The following WNK1 variants were observed in gnomAD, a reference collection of about 807,000 sequenced individuals.
WNK1 encodes the protein serine/threonine-protein kinase WNK1.
Under a neutral mutation model 222.8 loss-of-function variants are expected in WNK1, and 38 were observed. The observed-to-expected ratio is 0.17, with a 90% confidence interval of 0.13 to 0.22. The LOEUF is 0.22. Ranked by LOEUF, WNK1 falls within the 10% of genes least tolerant of loss-of-function variation. The probability of loss-of-function intolerance (pLI) is 1.00; values close to 1 mark genes in which losing one functional copy is unlikely to be tolerated. For missense variants in WNK1, 2,348 were observed against 2,918.4 expected, an observed-to-expected ratio of 0.80 and a Z score of 4.50; for synonymous variants, 1,090 against 1,092.9, an observed-to-expected ratio of 1.00 and a Z score of 0.05.
At position 896,261 on chromosome 12, in the gene WNK1, C is replaced by G. The variant is rs753527425; in HGVS notation, c.5774C>G (p.Ala1925Gly). The G allele has an allele frequency of 6.2e-7, 1 of 1,614,120 alleles. No individual in the cohort carries two copies. The highest frequency in any genetic ancestry group is 8.5e-7 in the Non-Finnish European group (1 of 1,180,018). The change falls in exon 24 of 28, where the codon GCC becomes GGC. Residue 1925 changes from alanine (A) to glycine (G), a missense_variant. Ala to Gly is a moderately conservative substitution (Grantham distance 60). This residue lies in a region of WNK1 where 1,144 missense variants were observed against 1,273.6 expected (regional missense o/e 0.90). Coordinates refer to ENST00000315939, the MANE Select transcript of WNK1 (RefSeq NM_018979.4). ...PGISSDVPES[A>G]HKTTASEAKS... Reference sequence around the variant, plus strand: ...ATCTCTTCAGATGTGCCAGAGAGTGCCCACAAAACTACTGCCTCAGAGGCA... The same window carrying G: ...ATCTCTTCAGATGTGCCAGAGAGTGGCCACAAAACTACTGCCTCAGAGGCA...
intron 6 of WNK1, among the ~76,000 whole-genome samples, chr12:860,367 C>T (rs928523015): frequency 1.3e-5 from 2 of 152,152 alleles, no homozygotes; most frequent in Non-Finnish European, 2.9e-5. Context: ...GAAACCCTTC[C>T]CCAAATTTAT....
chr12:842,354 G>C (rs1353344380), intron 4 of WNK1, among the ~76,000 whole-genome samples: 3 of 152,188 alleles, frequency 2.0e-5, no homozygotes, highest in Admixed American at 2.0e-4. Flanking sequence ...TGCAAATAAA[G>C]CAGAAAACAA....
At chr12:769,355 C>A (rs1591616334) in intron 1 of WNK1, among the ~76,000 whole-genome samples, 1 of 151,902 alleles carries the variant, frequency 6.6e-6, no homozygotes, top group Admixed American at 6.6e-5. Context: ...CATGCCACCA[C>A]GACCGGCTAG....
chr12:877,951 G>C (rs1467953335), intron 9 of WNK1: 3 of 494,266 alleles, frequency 6.1e-6, no homozygotes, highest in Non-Finnish European at 1.1e-5. Flanking sequence ...TATTGTTGGG[G>C]TGAGGGAGAT....
intron 1 of WNK1, among the ~76,000 whole-genome samples, chr12:804,311 A>G (rs953857068): frequency 6.6e-6 from 1 of 152,258 alleles, no homozygotes; most frequent in African/African-American, 2.4e-5. Context: ...GTAACCATTT[A>G]CAAGTAACTT....
intron 1 of WNK1, among the ~76,000 whole-genome samples, chr12:809,109 CA>C (rs1429383938): frequency 1.3e-5 from 2 of 149,354 alleles, no homozygotes; most frequent in Non-Finnish European, 3.0e-5. Flanking sequence ...TTCTTTGAAA[CA>C]GAAACTTTTT....
At chr12:862,513 A>G (rs890369371) in intron 8 of WNK1, among the ~76,000 whole-genome samples, 2 of 152,194 alleles carry the variant, frequency 1.3e-5, no homozygotes, top group African/African-American at 2.4e-5. Context: ...ACTAAAGGGA[A>G]CGCTCTCTTT....
chr12:761,962 G>T (rs1941081059), intron 1 of WNK1, among the ~76,000 whole-genome samples: 1 of 146,910 alleles, frequency 6.8e-6, no homozygotes. Flanking sequence ...CCACCCCAGG[G>T]TACCAAAATT....
intron 5 of WNK1, among the ~76,000 whole-genome samples, chr12:858,034 C>T (rs985413415): frequency 2.6e-5 from 4 of 152,132 alleles, no homozygotes; most frequent in African/African-American, 9.7e-5. Flanking sequence ...TCTCCAGTCT[C>T]GTTCTTTTTA....
At chr12:869,877 C>G (rs1000863564) in intron 8 of WNK1, among the ~76,000 whole-genome samples, 2 of 151,492 alleles carry the variant, frequency 1.3e-5, no homozygotes, top group African/African-American at 4.9e-5. Flanking sequence ...ACATCTTAGG[C>G]CTTGTATTTT....
chr12:879,075 A>G (rs1272297928), intron 10 of WNK1, among the ~76,000 whole-genome samples: 1 of 152,166 alleles, frequency 6.6e-6, no homozygotes, highest in Non-Finnish European at 1.5e-5. Context: ...AAATATGTGA[A>G]TTATACCAAT....
chr12:775,022 A>G (rs967023576), intron 1 of WNK1, among the ~76,000 whole-genome samples: 2 of 151,852 alleles, frequency 1.3e-5, no homozygotes, highest in African/African-American at 4.8e-5. Flanking sequence ...TCTTTTTTTC[A>G]TTTAAGTATA....
At chr12:900,142 C>A (rs757331783) in intron 25 of WNK1, among the ~76,000 whole-genome samples, 1 of 151,462 alleles carries the variant, frequency 6.6e-6, no homozygotes, top group Non-Finnish European at 1.5e-5. Context: ...CCCTCCACCA[C>A]GCCTGGCTAA....
Position 904,369 on chromosome 12 carries a change from G to A in WNK1, c.6644-3478G>A, listed in dbSNP as rs965029013. The A allele has an allele frequency of 5.4e-6, 6 of 1,113,670 alleles. No individual in the cohort carries two copies. In the African/African-American group the frequency reaches 8.0e-5, roughly 15 times the overall value. The allele number at this position is 1,113,670 out of a possible 1,614,324, so 69.0% of individuals were successfully genotyped here. A position where few individuals can be genotyped will look rare whatever the true frequency, so the allele number is the denominator to read the frequency against. On this transcript the variant is annotated intron_variant, in intron 26 of 27. Coordinates refer to ENST00000315939, the MANE Select transcript of WNK1 (RefSeq NM_018979.4). ...CACCTCCTGCTTTCTCTTGCTGGGC[G>A]TTTGTGTGCTGTTTGGAGATTCTAA...
chr12:858,802 A>T (rs1215673086), intron 5 of WNK1, among the ~76,000 whole-genome samples: 2 of 152,208 alleles, frequency 1.3e-5, no homozygotes, highest in Admixed American at 1.3e-4. Context: ...GTCAGACAAG[A>T]TCATAAATAT....
intron 1 of WNK1, among the ~76,000 whole-genome samples, chr12:795,459 A>G (rs189288852): frequency 1.3e-5 from 2 of 152,054 alleles, no homozygotes; most frequent in Admixed American, 6.5e-5. Flanking sequence ...TTCTCATGAT[A>G]GTGAATAAGT....
chr12:803,662 A>G (rs1946087869), intron 1 of WNK1, among the ~76,000 whole-genome samples: 2 of 152,154 alleles, frequency 1.3e-5, no homozygotes, highest in African/African-American at 4.8e-5. Flanking sequence ...GCTTGAACCC[A>G]GGAAGCAGAT....
intron 25 of WNK1, among the ~76,000 whole-genome samples, chr12:898,939 C>T (rs1354086071): frequency 1.3e-5 from 2 of 152,080 alleles, no homozygotes; most frequent in Non-Finnish European, 2.9e-5. Context: ...TGGGGTTTCA[C>T]TATGTTGGCC....
rs532619693 is a variant in WNK1 at position 845,744 on chromosome 12, A to G, written c.1312-11417A>G. Among the ~76,000 whole-genome samples the G allele has an allele frequency of 8.5e-5, 13 of 152,322 alleles. No individual in the cohort carries two copies. In the South Asian group the frequency reaches 1.2e-3, roughly 15 times the overall value. Reference sequence around the variant, plus strand: ...TCATCAACATCATTATTATTAATACATATTTAGTAGTGAAATAAGGTGTCT... The same window carrying G: ...TCATCAACATCATTATTATTAATACGTATTTAGTAGTGAAATAAGGTGTCT... On this transcript the variant is annotated intron_variant, in intron 4 of 27. Transcript: ENST00000315939.
Sources: gnomAD v4.1 joint callset for allele counts (sites outside exome capture counted in the v4.1 genomes callset) on GRCh38, gnomAD v4.1.1 for gene constraint, gnomAD v4.1.1 regional missense constraint, MANE v1.5 for transcripts, NCBI Gene and HGNC (gene_info 2026-07-23, HGNC 2026-07-21) for gene names.